ADGRL3: variants seen among roughly 807,000 people sequenced by gnomAD.
ADGRL3 encodes adhesion G protein-coupled receptor L3.
Under a neutral mutation model 153.5 loss-of-function variants are expected in ADGRL3, and 62 were observed. The observed-to-expected ratio is 0.40, with a 90% CI of 0.33 to 0.50. The LOEUF is 0.50. ADGRL3 is among the 20% of genes least tolerant of loss of function. The pLI is 0.47. For synonymous variants in ADGRL3, 710 were observed against 672.5 expected (o/e 1.06, Z -0.86); for missense variants, 1,641 against 1,859.4 (o/e 0.88, Z 2.16).
intron 4 of ADGRL3, among the ~76,000 whole-genome samples, chr4:61,568,779 T>C (rs1403290907): frequency 3.9e-5 from 6 of 152,166 alleles, no homozygotes; most frequent in Non-Finnish European, 5.9e-5. Context: ...TAAAGCATGA[T>C]CATGGTTCTC....
intron 1 of ADGRL3, among the ~76,000 whole-genome samples, chr4:61,244,567 G>A (rs957167513): frequency 5.9e-5 from 9 of 151,738 alleles, no homozygotes; most frequent in African/African-American, 2.2e-4. Flanking sequence ...GGGTTATTGT[G>A]CAATGATAAA....
At chr4:61,536,877 T>A (rs902777146) in intron 4 of ADGRL3, among the ~76,000 whole-genome samples, 2 of 152,212 alleles carry the variant, frequency 1.3e-5, no homozygotes, top group Non-Finnish European at 1.5e-5. Flanking sequence ...AGGCTTTTTA[T>A]ATTCAAAGTT....
At chr4:61,256,997 A>C (rs2092033248) in intron 1 of ADGRL3, among the ~76,000 whole-genome samples, 1 of 152,164 alleles carries the variant, frequency 6.6e-6, no homozygotes. Context: ...CATGAATTGA[A>C]ACATGAAAAT....
intron 17 of ADGRL3, among the ~76,000 whole-genome samples, chr4:61,959,445 A>T (rs756118206): frequency 2.6e-5 from 4 of 151,878 alleles, no homozygotes; most frequent in Non-Finnish European, 4.4e-5. Context: ...TGATGATTGT[A>T]TTTTTTTTAA....
chr4:61,739,057 G>A (rs944016405), intron 8 of ADGRL3, among the ~76,000 whole-genome samples: 8 of 152,060 alleles, frequency 5.3e-5, no homozygotes, highest in Non-Finnish European at 1.0e-4. Context: ...TCATTTCTCA[G>A]CATGAAATTG....
intron 9 of ADGRL3, among the ~76,000 whole-genome samples, chr4:61,828,576 A>G (rs1321609134): frequency 4.6e-5 from 7 of 152,124 alleles, no homozygotes; most frequent in Non-Finnish European, 1.0e-4. Flanking sequence ...TCCTCGCAAA[A>G]ATCTGCAATA....
intron 24 of ADGRL3, among the ~76,000 whole-genome samples, chr4:62,042,281 A>C (rs1728776535): frequency 6.6e-6 from 1 of 151,962 alleles, no homozygotes; most frequent in Non-Finnish European, 1.5e-5. Context: ...TGTAAGAAAT[A>C]ATTATATAAT....
chr4:61,477,128 C>T (rs2098073245), intron 2 of ADGRL3, among the ~76,000 whole-genome samples: 1 of 152,004 alleles, frequency 6.6e-6, no homozygotes, highest in Non-Finnish European at 1.5e-5. Flanking sequence ...CAGTTCAATA[C>T]ATCTAAACTT....
At chr4:61,785,650 A>G (rs1333010915) in intron 8 of ADGRL3, among the ~76,000 whole-genome samples, 1 of 152,150 alleles carries the variant, frequency 6.6e-6, no homozygotes, top group Non-Finnish European at 1.5e-5. Context: ...GAATTTTCTT[A>G]GTCTCTCTCT....
intron 26 of ADGRL3, among the ~76,000 whole-genome samples, chr4:62,069,425 A>G (rs1412522351): frequency 6.6e-6 from 1 of 152,120 alleles, no homozygotes; most frequent in Non-Finnish European, 1.5e-5. Context: ...AAGTAAATCC[A>G]AATACTTTTG....
chr4:61,586,438 G>A (rs917505672), intron 4 of ADGRL3, among the ~76,000 whole-genome samples: 5 of 151,926 alleles, frequency 3.3e-5, no homozygotes, highest in Non-Finnish European at 7.4e-5. Context: ...TCCAGATATG[G>A]AAAGATTTCC....
At chr4:61,735,122 A>G (rs1275993921) in intron 8 of ADGRL3, among the ~76,000 whole-genome samples, 1 of 151,924 alleles carries the variant, frequency 6.6e-6, no homozygotes, top group Non-Finnish European at 1.5e-5. Context: ...CTTTTGTTGT[A>G]TTTTTCTCTT....
intron 19 of ADGRL3, among the ~76,000 whole-genome samples, chr4:61,990,952 C>CTGTGTGTGTGTGTG (rs34294452): frequency 1.4e-5 from 2 of 142,368 alleles, no homozygotes; most frequent in Non-Finnish European, 3.1e-5. Context: ...ATGTTTGAAA[C>CTGTGTGTGTGTGTG]TGTGTGTGTG....
At chr4:61,464,919 A>G (rs1039943884) in intron 2 of ADGRL3, among the ~76,000 whole-genome samples, 1 of 152,176 alleles carries the variant, frequency 6.6e-6, no homozygotes, top group African/African-American at 2.4e-5. Context: ...TCAGCAGAAC[A>G]TTATAACCGT....
chr4:61,591,599 T>C (rs2098969429), intron 5 of ADGRL3, among the ~76,000 whole-genome samples: 1 of 152,186 alleles, frequency 6.6e-6, no homozygotes, highest in South Asian at 2.1e-4. Context: ...TTTTGAATAC[T>C]CTTAGAATCA....
chr4:61,313,588 T>TTTTCTTAAGCGAAAACA (rs1304013723), intron 1 of ADGRL3, among the ~76,000 whole-genome samples: 1 of 152,160 alleles, frequency 6.6e-6, no homozygotes, highest in African/African-American at 2.4e-5. Context: ...GAAAACAATG[T>TTTTCTTAAGCGAAAACA]ATAACACAAC....
chr4:61,312,785 C>T (rs1303960013), intron 1 of ADGRL3, among the ~76,000 whole-genome samples: 8 of 152,094 alleles, frequency 5.3e-5, no homozygotes, highest in Admixed American at 2.0e-4. Context: ...CTGGTGAGAA[C>T]GCAAAATGGT....
chr4:61,370,253 A>C (rs1012623120), intron 1 of ADGRL3, among the ~76,000 whole-genome samples: 1 of 148,164 alleles, frequency 6.7e-6, no homozygotes, highest in South Asian at 2.2e-4. Flanking sequence ...GATTTTAGTT[A>C]TTTCTTGCCT....
At chr4:62,056,062 A>C (rs867104021) in intron 25 of ADGRL3, among the ~76,000 whole-genome samples, 1 of 151,704 alleles carries the variant, frequency 6.6e-6, no homozygotes, top group Non-Finnish European at 1.5e-5. Flanking sequence ...TCTTAAAAAA[A>C]TTTTGAAAAT....
Sources: allele counts gnomAD v4.1 joint callset (sites outside exome capture counted in the v4.1 genomes callset), GRCh38; gene constraint gnomAD v4.1.1; transcripts MANE v1.5; gene names NCBI Gene and HGNC (gene_info 2026-07-23, HGNC 2026-07-21).